TMEM135: variants seen among roughly 807,000 people sequenced by gnomAD.
The protein encoded by TMEM135 is peroxisomal membrane protein 52.
A neutral mutation model predicts 60.3 loss-of-function variants in TMEM135; 30 were observed. The ratio of observed to expected loss-of-function variants is 0.50; its 90% CI spans 0.37 to 0.68. The LOEUF (loss-of-function observed/expected upper bound fraction) is 0.68, where lower values mean the gene tolerates loss of function less well. Ranked by LOEUF, TMEM135 falls within the 30% of genes least tolerant of loss-of-function variation. The pLI, the probability that TMEM135 is intolerant of heterozygous loss-of-function variation, is 0.00. For missense variants in TMEM135, 468 were observed against 548.8 expected, an observed-to-expected ratio of 0.85 and a Z score of 1.47; for synonymous variants, 190 against 186.7, an observed-to-expected ratio of 1.02 and a Z score of -0.14.
intron 5 of TMEM135, among the ~76,000 whole-genome samples, chr11:87,232,827 C>G (rs1014986022): frequency 6.6e-6 from 1 of 151,942 alleles, no homozygotes; most frequent in African/African-American, 2.4e-5. Context: ...CTAAAATAAA[C>G]CAACAAAGGG....
At chr11:87,071,223 C>A (rs1460469704) in intron 2 of TMEM135, among the ~76,000 whole-genome samples, 1 of 152,052 alleles carries the variant, frequency 6.6e-6, no homozygotes, top group Non-Finnish European at 1.5e-5. Context: ...TAAATTGCAT[C>A]TGTAATAATT....
At position 87,212,225 on chromosome 11, in the gene TMEM135, A is replaced by T. The variant is rs375730956; in HGVS notation, c.463-24413A>T. 4.6e-5 allele frequency among the ~76,000 whole-genome samples: 7 copies of T among 151,910 alleles called. No homozygotes were observed. The East Asian group carries it at 1.4e-3, about 29-fold the overall frequency. On this transcript the variant is annotated intron_variant, in intron 5 of 14. Coordinates refer to ENST00000305494, the MANE Select transcript of TMEM135 (RefSeq NM_022918.4). ...ACATGTAGATCTCTTTTAGTTTTCT[A>T]CCCCAAGTAGCTGTTACGCATTTTT...
At chr11:87,038,340 G>A (rs1489071311) in intron 1 of TMEM135, among the ~76,000 whole-genome samples, 154 bp downstream of exon 1, 1 of 151,912 alleles carries the variant, frequency 6.6e-6, no homozygotes, top group South Asian at 2.1e-4. Flanking sequence ...TAGGGGGAAG[G>A]GGGAGGTCGC....
At position 87,303,233 on chromosome 11, in the gene TMEM135, G is replaced by A. The variant is rs543006647; in HGVS notation, c.698+791G>A. Among the ~76,000 whole-genome samples the A allele has an allele frequency of 2.6e-5, 4 of 152,230 alleles. No homozygotes were observed. The South Asian group carries it at 8.3e-4, about 32-fold the overall frequency. The stretch of plus-strand genomic sequence containing the variant: ...TCAGCAGTGGCATTAGATTCTCATA[G>A]GAGCACAAACCCCATTGTGAACTGC... On this transcript the variant is annotated intron_variant, in intron 8 of 14. Transcript: ENST00000305494.
intron 6 of TMEM135, chr11:87,277,292 TG>T: frequency 2.6e-6 from 1 of 382,698 alleles, no homozygotes; most frequent in East Asian, 9.8e-5. Flanking sequence ...CCACCATGCC[TG>T]GCTAATTTTT....
At chr11:87,225,323 G>T (rs1392967879) in intron 5 of TMEM135, among the ~76,000 whole-genome samples, 1 of 152,018 alleles carries the variant, frequency 6.6e-6, no homozygotes, top group East Asian at 1.9e-4. Context: ...CATCGCAGGG[G>T]TGTTTTGAGC....
intron 6 of TMEM135, among the ~76,000 whole-genome samples, chr11:87,238,197 G>T (rs948992525): frequency 6.6e-6 from 1 of 151,656 alleles, no homozygotes; most frequent in Non-Finnish European, 1.5e-5. Flanking sequence ...GGGATTGCTG[G>T]ATCACATAAT....
intron 5 of TMEM135, among the ~76,000 whole-genome samples, chr11:87,235,439 A>T (rs75422911): frequency 7.4e-4 from 112 of 152,072 alleles, no homozygotes; most frequent in African/African-American, 2.6e-3. Context: ...TTTCTAAGTC[A>T]TTCAGGCTGT....
intron 6 of TMEM135, chr11:87,259,134 A>C: frequency 1.4e-6 from 1 of 705,492 alleles, no homozygotes; most frequent in Non-Finnish European, 2.6e-6. Context: ...CAGGCCCCAT[A>C]GTCTCTCCGA....
At position 87,165,570 on chromosome 11, in the gene TMEM135, G is replaced by A. The variant is rs1042740285; in HGVS notation, c.462+8164G>A. The stretch of plus-strand genomic sequence containing the variant: ...CTGGCCTCATAAAATGAGTTAGGGA[G>A]GATTCCCTCTTTTTCTATTGATTGG... On this transcript the variant is annotated intron_variant, in intron 5 of 14. Coordinates refer to ENST00000305494, the MANE Select transcript of TMEM135 (RefSeq NM_022918.4). Among the ~76,000 whole-genome samples the A allele has an allele frequency of 7.4e-5, 11 of 148,382 alleles. No individual in the cohort carries two copies. In the East Asian group the frequency reaches 1.4e-3, roughly 19 times the overall value.
rs371919827 is a variant in TMEM135 at position 87,129,544 on chromosome 11, A to ATTTTTTTT, written c.397-27790_397-27783dup. ...AGGCGTGATCCACCATGCTTGGCCA[A>ATTTTTTTT]TTTTTTTTTTTTTTGAAATGGAATC... On this transcript the variant is annotated intron_variant, in intron 4 of 14. Transcript: ENST00000305494. 2.4e-3 allele frequency among the ~76,000 whole-genome samples: 306 copies of ATTTTTTTT among 125,630 alleles called. 13 individuals are homozygous for ATTTTTTTT. The highest frequency in any genetic ancestry group is 7.1e-3 in the African/African-American group (232 of 32,548). 82.4% of individuals were successfully genotyped at this position (125,630 alleles called of 152,430 possible).
chr11:87,188,491 T>G (rs1939707464), intron 5 of TMEM135, among the ~76,000 whole-genome samples: 1 of 151,162 alleles, frequency 6.6e-6, no homozygotes, highest in South Asian at 2.1e-4. Context: ...CACCTGAGGT[T>G]AGGAGTTCGA....
rs1316411476 is a variant in TMEM135, at chr11:87,047,786, G to A, written c.141+9600G>A. On this transcript the variant is annotated intron_variant, in intron 1 of 14. Transcript: ENST00000305494. ...CTTGCTTAGGTAAACAAAGCAGCCGGGAAGCTCCAACTGGGTGGAGCCCAC... is the reference window on the plus strand; with the variant it reads ...CTTGCTTAGGTAAACAAAGCAGCCGAGAAGCTCCAACTGGGTGGAGCCCAC... Among the ~76,000 whole-genome samples the A allele has an allele frequency of 1.6e-5, 2 of 121,632 alleles. 1 individual carries two copies. The highest frequency in any genetic ancestry group is 3.4e-5 in the Non-Finnish European group (2 of 58,802). 79.8% of individuals were successfully genotyped at this position (121,632 alleles called of 152,430 possible). A position where few individuals can be genotyped will look rare whatever the true frequency, so the allele number is the denominator to read the frequency against.
At chr11:87,261,210 T>C (rs1307020098) in intron 6 of TMEM135, among the ~76,000 whole-genome samples, 1 of 152,192 alleles carries the variant, frequency 6.6e-6, no homozygotes, top group Non-Finnish European at 1.5e-5. Flanking sequence ...TCAAAGATTA[T>C]CAGGTCTCTT....
In TMEM135 at chr11:87,322,870, T is replaced by C; in HGVS notation, c.*1537T>C. On this transcript the variant is annotated 3_prime_UTR_variant, in exon 15 of 15. Coordinates refer to ENST00000305494, the MANE Select transcript of TMEM135 (RefSeq NM_022918.4). Reference sequence around the variant, plus strand: ...GGCATTATGATTAGCTTTGTAGAACTGACCTGTTTATTTGGCAATGCTGTT... The same window carrying C: ...GGCATTATGATTAGCTTTGTAGAACCGACCTGTTTATTTGGCAATGCTGTT... 1 of 454,472 alleles carries C rather than the reference T, an allele frequency of 2.2e-6. No homozygotes were observed. The highest frequency in any genetic ancestry group is 6.9e-4 in the Middle Eastern group (1 of 1,444). 28.2% of individuals were successfully genotyped at this position (454,472 alleles called of 1,614,324 possible). A position where few individuals can be genotyped will look rare whatever the true frequency, so the allele number is the denominator to read the frequency against.
At chr11:87,278,856 C>T (rs1942011674) in intron 6 of TMEM135, among the ~76,000 whole-genome samples, 1 of 152,114 alleles carries the variant, frequency 6.6e-6, no homozygotes, top group African/African-American at 2.4e-5. Context: ...TTCTATCTCT[C>T]CTCTCATCCC....
At chr11:87,171,641 A>G (rs941671254) in intron 5 of TMEM135, among the ~76,000 whole-genome samples, 1 of 152,188 alleles carries the variant, frequency 6.6e-6, no homozygotes, top group African/African-American at 2.4e-5. Flanking sequence ...ACTTCAGAAA[A>G]TGAGCTGATT....
chr11:87,175,929 C>T (rs762099274), intron 5 of TMEM135, among the ~76,000 whole-genome samples: 23 of 152,084 alleles, frequency 1.5e-4, no homozygotes, highest in Admixed American at 1.3e-3. Context: ...GTGAGTTCAG[C>T]GGCAAGTAAC....
intron 5 of TMEM135, among the ~76,000 whole-genome samples, chr11:87,209,350 G>C (rs994410523): frequency 2.0e-5 from 3 of 152,180 alleles, no homozygotes; most frequent in Non-Finnish European, 4.4e-5. Context: ...TAAAGAGATG[G>C]AGAAAGGCCT....
Sources: gnomAD v4.1 joint callset for allele counts (sites outside exome capture counted in the v4.1 genomes callset) on GRCh38, gnomAD v4.1.1 for gene constraint, MANE v1.5 for transcripts, NCBI Gene and HGNC (gene_info 2026-07-23, HGNC 2026-07-21) for gene names.